PLCXD3: variants seen among roughly 807,000 people sequenced by gnomAD.
PLCXD3 encodes phosphatidylinositol specific phospholipase C X domain containing 3, also known as PI-PLC X domain-containing protein 3.
A neutral mutation model predicts 25.5 loss-of-function variants in PLCXD3; 19 were observed. The ratio of observed to expected loss-of-function variants is 0.75; its 90% CI spans 0.52 to 1.09. The LOEUF is 1.09. PLCXD3 is among the 50% of genes least tolerant of loss of function. PLCXD3 has a pLI of 0.00. For missense variants in PLCXD3, 411 were observed against 388.1 expected (o/e 1.06, Z -0.50); for synonymous variants, 174 against 137.6 (o/e 1.26, Z -1.85).
chr5:41,443,983 T>C (rs768864804), intron 1 of PLCXD3, among the ~76,000 whole-genome samples: 5 of 152,210 alleles, frequency 3.3e-5, no homozygotes, highest in Admixed American at 6.5e-5. Flanking sequence ...GTTAAAATAG[T>C]ATTCTTTTAA....
intron 1 of PLCXD3, among the ~76,000 whole-genome samples, chr5:41,419,750 A>G (rs1265100421): frequency 1.3e-5 from 2 of 152,176 alleles, no homozygotes; most frequent in African/African-American, 4.8e-5. Flanking sequence ...TTTTTAATCT[A>G]TTTGTGCCTG....
intron 2 of PLCXD3, among the ~76,000 whole-genome samples, chr5:41,372,296 TCTCACACA>T (rs1301181694): frequency 1.2e-4 from 16 of 132,852 alleles, no homozygotes; most frequent in African/African-American, 3.4e-4. Context: ...TCTCTCTCTC[TCTCACACA>T]CACACACACA....
chr5:41,412,468 T>G (rs1746581756), intron 1 of PLCXD3, among the ~76,000 whole-genome samples: 1 of 152,208 alleles, frequency 6.6e-6, no homozygotes, highest in South Asian at 2.1e-4. Context: ...TTCTTTACCT[T>G]TACTTCATTA....
chr5:41,468,591 T>G (rs1748078868), intron 1 of PLCXD3, among the ~76,000 whole-genome samples: 1 of 152,212 alleles, frequency 6.6e-6, no homozygotes, highest in Non-Finnish European at 1.5e-5. Context: ...GTCATTTACC[T>G]CCTTGGTTAA....
chr5:41,487,985 T>A (rs891752611), intron 1 of PLCXD3, among the ~76,000 whole-genome samples: 10 of 151,728 alleles, frequency 6.6e-5, no homozygotes, highest in Non-Finnish European at 1.2e-4. Context: ...GTTACATATG[T>A]ATACATGTGG....
intron 1 of PLCXD3, among the ~76,000 whole-genome samples, chr5:41,491,397 G>C (rs1028109508): frequency 6.6e-6 from 1 of 152,192 alleles, no homozygotes; most frequent in Non-Finnish European, 1.5e-5. Flanking sequence ...GTGCTGAAAA[G>C]AATGTATATT....
intron 1 of PLCXD3, among the ~76,000 whole-genome samples, chr5:41,383,960 C>T (rs1286264377): frequency 1.3e-5 from 2 of 151,920 alleles, no homozygotes; most frequent in Non-Finnish European, 2.9e-5. Flanking sequence ...CCAGCTTTAA[C>T]AGCCCATAAG....
chr5:41,398,682 G>A (rs1426243226), intron 1 of PLCXD3, among the ~76,000 whole-genome samples: 3 of 152,056 alleles, frequency 2.0e-5, no homozygotes, highest in African/African-American at 7.2e-5. Context: ...ATCTCTTTAT[G>A]ATAAAAATCC....
chr5:41,336,538 T>C lies in PLCXD3; in HGVS notation c.813-22768A>G, dbSNP rs1743984430. On this transcript the variant is annotated intron_variant, in intron 2 of 2. Coordinates refer to ENST00000377801, the MANE Select transcript of PLCXD3 (RefSeq NM_001005473.3). Reference sequence around the variant, plus strand: ...ACTGAACTCTATTCATTCAGGTATGTAGTGAATGCTTGTGATGAGCCTCCC... The same window carrying C: ...ACTGAACTCTATTCATTCAGGTATGCAGTGAATGCTTGTGATGAGCCTCCC... 2.6e-5 allele frequency among the ~76,000 whole-genome samples: 4 copies of C among 152,254 alleles called. No individual in the cohort carries two copies. The South Asian group carries it at 8.3e-4, about 32-fold the overall frequency.
At position 41,310,902 on chromosome 5, in the gene PLCXD3, T is replaced by TA. The variant is rs2150465627; in HGVS notation, c.*2714dup. ...TCTGGGTGCATATCATTAGCAGCAGTACAAAGCTTTCCCTAGTTAAAAAAC... is the reference window on the plus strand; with the variant it reads ...TCTGGGTGCATATCATTAGCAGCAGTAACAAAGCTTTCCCTAGTTAAAAAAC... On this transcript the variant is annotated 3_prime_UTR_variant, in exon 3 of 3. Transcript: ENST00000377801. 6.6e-6 allele frequency: 1 copy of TA among 152,670 alleles called. No individual in the cohort carries two copies. The highest frequency in any genetic ancestry group is 2.1e-4 in the South Asian group (1 of 4,830). 9.5% of individuals were successfully genotyped at this position (152,670 alleles called of 1,614,324 possible).
chr5:41,382,563 T>G, intron 1 of PLCXD3, 29 bp from the exon 2 acceptor site: 2 of 1,518,568 alleles, frequency 1.3e-6, no homozygotes, highest in Non-Finnish European at 1.8e-6. Flanking sequence ...ATAGTGTGGT[T>G]AATTTCCACG....
chr5:41,452,363 A>G (rs1747652962), intron 1 of PLCXD3, among the ~76,000 whole-genome samples: 1 of 152,036 alleles, frequency 6.6e-6, no homozygotes, highest in Non-Finnish European at 1.5e-5. Context: ...TTTTGAAGGA[A>G]TGTTTCAAAA....
chr5:41,387,361 T>G (rs1172958307), intron 1 of PLCXD3, among the ~76,000 whole-genome samples: 1 of 152,128 alleles, frequency 6.6e-6, no homozygotes, highest in Non-Finnish European at 1.5e-5. Flanking sequence ...TCGTCCTTAT[T>G]TACAGAAGCT....
chr5:41,452,572 A>T (rs1442246850), intron 1 of PLCXD3, among the ~76,000 whole-genome samples: 2 of 152,012 alleles, frequency 1.3e-5, no homozygotes, highest in Admixed American at 1.3e-4. Context: ...AATTCTGTCA[A>T]ATATGACCTC....
intron 1 of PLCXD3, among the ~76,000 whole-genome samples, chr5:41,421,898 A>C (rs1402080186): frequency 6.6e-6 from 1 of 152,196 alleles, no homozygotes; most frequent in South Asian, 2.1e-4. Context: ...ACCCGTTAAT[A>C]AAACAAGCAT....
chr5:41,430,225 T>A (rs1461610783), intron 1 of PLCXD3, among the ~76,000 whole-genome samples: 1 of 152,220 alleles, frequency 6.6e-6, no homozygotes, highest in East Asian at 1.9e-4. Flanking sequence ...CAGTTCCTAG[T>A]ATATAGAAAA....
intron 2 of PLCXD3, among the ~76,000 whole-genome samples, chr5:41,375,383 C>A (rs1008610563): frequency 2.0e-5 from 3 of 152,218 alleles, no homozygotes; most frequent in South Asian, 4.2e-4. Context: ...TATCCTCTGG[C>A]CTTATCCCTC....
At chr5:41,322,015 C>T (rs1743487171) in intron 2 of PLCXD3, among the ~76,000 whole-genome samples, 1 of 152,164 alleles carries the variant, frequency 6.6e-6, no homozygotes, top group Non-Finnish European at 1.5e-5. Flanking sequence ...GGACATTGGT[C>T]TGGGCAAAAA....
chr5:41,410,327 T>C (rs1746481868), intron 1 of PLCXD3, among the ~76,000 whole-genome samples: 1 of 151,776 alleles, frequency 6.6e-6, no homozygotes, highest in Non-Finnish European at 1.5e-5. Flanking sequence ...GTATTTTTAG[T>C]AGAGATGGGG....
Sources: gnomAD v4.1 joint callset for allele counts (sites outside exome capture counted in the v4.1 genomes callset) on GRCh38, gnomAD v4.1.1 for gene constraint, MANE v1.5 for transcripts, NCBI Gene and HGNC (gene_info 2026-07-23, HGNC 2026-07-21) for gene names.